TIAM1: variants seen among roughly 807,000 people sequenced by gnomAD.
TIAM1 encodes the protein rho guanine nucleotide exchange factor TIAM1.
TIAM1 carries 65 observed loss-of-function variants against 163.5 expected under a neutral mutation model. The observed-to-expected ratio is 0.40, with a 90% CI of 0.33 to 0.49. TIAM1 has a LOEUF of 0.49. Among genes scored for constraint, TIAM1 ranks in the 20% least tolerant of loss-of-function variants. The probability of loss-of-function intolerance (pLI) is 0.77; values close to 1 mark genes in which losing one functional copy is unlikely to be tolerated. For synonymous variants in TIAM1, 833 were observed against 810.1 expected, an observed-to-expected ratio of 1.03 and a Z score of -0.48; for missense variants, 1,789 against 2,044.7, an observed-to-expected ratio of 0.87 and a Z score of 2.41.
Position 31,395,281 on chromosome 21 carries a change from T to C in TIAM1, c.-368-55859A>G, listed in dbSNP as rs1027319512. On this transcript the variant is annotated intron_variant, in intron 2 of 28. Transcript: ENST00000286827. This position sits in a 1 kb window ranked among gnomAD's most constrained non-coding sequence, Gnocchi z 7.5. ...GTGGGGGGAGAACAAAACTAGTAAT[T>C]GGAGCTCTCTGGAGATGTCACTACG... Among the ~76,000 whole-genome samples, 4 of 151,082 alleles carry C rather than the reference T, an allele frequency of 2.6e-5. No individual in the cohort carries two copies. The highest frequency in any genetic ancestry group is 5.9e-5 in the Non-Finnish European group (4 of 67,826).
intron 2 of TIAM1, among the ~76,000 whole-genome samples, chr21:31,361,540 A>G (rs2076406650): frequency 6.6e-6 from 1 of 152,214 alleles, no homozygotes. Context: ...AATGTGTGGC[A>G]TGTTTCACAA....
At chr21:31,541,661 A>G (rs1446197195) in intron 1 of TIAM1, among the ~76,000 whole-genome samples, 1 of 152,212 alleles carries the variant, frequency 6.6e-6, no homozygotes, top group Non-Finnish European at 1.5e-5. Context: ...ACCTGAAAAG[A>G]AACAAAATAC....
intron 2 of TIAM1, among the ~76,000 whole-genome samples, chr21:31,320,089 CA>C (rs2075262356): frequency 6.6e-6 from 1 of 152,136 alleles, no homozygotes; most frequent in South Asian, 2.1e-4. Flanking sequence ...TGTATATATA[CA>C]CCTATGCTTA....
chr21:31,162,642 C>CT lies in TIAM1; in HGVS notation c.2991+2319dup, dbSNP rs113256464. Among the ~76,000 whole-genome samples the CT allele has an allele frequency of 5.3e-3, 734 of 139,468 alleles. 3 individuals are homozygous for CT. Among genetic ancestry groups the CT allele is most frequent in the South Asian group, 0.013 (56 of 4,360 alleles). 91.5% of individuals were successfully genotyped at this position (139,468 alleles called of 152,430 possible). ...CAAATCATCACCCAAACTTCTTAAT[C>CT]TTTTTTTTTTTTTTTTTGAGATGGA... On this transcript the variant is annotated intron_variant, in intron 16 of 27. Transcript: ENST00000541036.
At chr21:31,390,170 T>A (rs1360605590) in intron 2 of TIAM1, among the ~76,000 whole-genome samples, 1 of 152,186 alleles carries the variant, frequency 6.6e-6, no homozygotes, top group Non-Finnish European at 1.5e-5. Context: ...ATTATGGACA[T>A]AATGTTTTCA....
intron 2 of TIAM1, among the ~76,000 whole-genome samples, chr21:31,439,057 T>A (rs769322031): frequency 1.1e-4 from 16 of 152,178 alleles, no homozygotes; most frequent in Non-Finnish European, 1.8e-4. Context: ...TAGGTAGCGA[T>A]TACCTGATGT....
intron 3 of TIAM1, among the ~76,000 whole-genome samples, chr21:31,271,890 A>G (rs991416378): frequency 9.9e-5 from 15 of 152,138 alleles, no homozygotes; most frequent in Non-Finnish European, 1.9e-4. Flanking sequence ...TCTTACCAAC[A>G]CCATGATCCC....
chr21:31,403,680 A>G (rs977763522), intron 2 of TIAM1, among the ~76,000 whole-genome samples: 1 of 152,196 alleles, frequency 6.6e-6, no homozygotes, highest in Admixed American at 6.5e-5. Flanking sequence ...ATGCCCAGAT[A>G]AATACATAAA....
At chr21:31,222,146 A>G (rs2087594472) in intron 8 of TIAM1, among the ~76,000 whole-genome samples, 1 of 152,224 alleles carries the variant, frequency 6.6e-6, no homozygotes, top group African/African-American at 2.4e-5. Context: ...ATTTATAAAG[A>G]ATACAAACGC....
chr21:31,548,445 G>A (rs533438593), intron 1 of TIAM1, among the ~76,000 whole-genome samples: 1 of 139,946 alleles, frequency 7.1e-6, no homozygotes, highest in South Asian at 2.3e-4. Context: ...CAGGCCATCT[G>A]TGTCTTTTAA....
At chr21:31,134,758 A>T (rs1057330539) in intron 23 of TIAM1, among the ~76,000 whole-genome samples, 9 of 152,242 alleles carry the variant, frequency 5.9e-5, no homozygotes, top group Middle Eastern at 3.4e-3. Flanking sequence ...TGATCCGTCC[A>T]CCTTGGCCTC....
chr21:31,411,251 G>A (rs1258153715), intron 2 of TIAM1, among the ~76,000 whole-genome samples: 1 of 152,130 alleles, frequency 6.6e-6, no homozygotes, highest in Non-Finnish European at 1.5e-5. Context: ...ACAAAATGCA[G>A]CAAATATTAA....
chr21:31,372,446 AG>A, intron 2 of TIAM1, among the ~76,000 whole-genome samples: 1 of 152,160 alleles, frequency 6.6e-6, no homozygotes, highest in Non-Finnish European at 1.5e-5. Flanking sequence ...TTGGAGCCTT[AG>A]GGGGGCATCT....
chr21:31,251,780 G>A lies in TIAM1; in HGVS notation c.1373C>T (p.Thr458Ile). ...HKKNKKVESA[T>I]RRKWKHYWVS... is the part of the protein sequence containing the mutation. ...CCAGTAGTGCTTCCACTTCCTCCGGGTGGCTGACTCCACCTTCTTGTTCTT... is the reference window on the plus strand; with the variant it reads ...CCAGTAGTGCTTCCACTTCCTCCGGATGGCTGACTCCACCTTCTTGTTCTT... Residue 458 changes from threonine to isoleucine, a missense_variant, in exon 5 of 28, where the codon ACC (threonine) becomes ATC (isoleucine). By Grantham distance (89) the Thr-to-Ile change is moderately conservative. Coordinates refer to ENST00000541036, the MANE Select transcript of TIAM1 (RefSeq NM_001353694.2). 2 of 1,607,770 alleles carry A rather than the reference G, an allele frequency of 1.2e-6. No homozygotes were observed. Among genetic ancestry groups the A allele is most frequent in the Non-Finnish European group, 1.7e-6 (2 of 1,175,506 alleles).
intron 2 of TIAM1, among the ~76,000 whole-genome samples, chr21:31,278,918 T>C (rs117163671): frequency 0.01 from 1,569 of 152,262 alleles, 14 homozygotes; most frequent in Non-Finnish European, 0.017. Flanking sequence ...ATAGCCCATT[T>C]ATGCTGAAAT....
Position 31,247,145 on chromosome 21 carries a change from C to A in TIAM1, c.1412-1485G>T, listed in dbSNP as rs541463936. Among the ~76,000 whole-genome samples, 6 of 151,908 alleles carry A rather than the reference C, an allele frequency of 3.9e-5. No homozygotes were observed. The East Asian group carries it at 1.2e-3, about 30-fold the overall frequency. On this transcript the variant is annotated intron_variant, in intron 5 of 27. Transcript: ENST00000541036. ...CACCAGTGTGGGCAATATAGCGAGG[C>A]CTCGTCTCTACTAAAAATAAAAAAA...
intron 1 of TIAM1, among the ~76,000 whole-genome samples, chr21:31,556,163 A>G (rs1472812109): frequency 2.0e-5 from 3 of 152,162 alleles, no homozygotes; most frequent in Non-Finnish European, 2.9e-5. Context: ...AGCATCCCTA[A>G]GGGCGCGAGA....
chr21:31,296,820 C>A (rs2211882), intron 2 of TIAM1, among the ~76,000 whole-genome samples: 7 of 152,130 alleles, frequency 4.6e-5, no homozygotes, highest in South Asian at 4.1e-4. Context: ...TGTGCCACCA[C>A]GCCCAGCTAA....
intron 1 of TIAM1, among the ~76,000 whole-genome samples, chr21:31,483,558 G>T (rs866590517): frequency 4.6e-5 from 7 of 152,054 alleles, no homozygotes; most frequent in Admixed American, 1.3e-4. Flanking sequence ...ATTCATTTTG[G>T]GACAACCAGA....
Sources: gnomAD v4.1 joint callset for allele counts (sites outside exome capture counted in the v4.1 genomes callset) on GRCh38, gnomAD v4.1.1 for gene constraint, Gnocchi (gnomAD v3.1) non-coding constraint, MANE v1.5 for transcripts, NCBI Gene and HGNC (gene_info 2026-07-23, HGNC 2026-07-21) for gene names.